The following CDH18 variants were observed in gnomAD, a reference collection of about 807,000 sequenced individuals.
CDH18 encodes cadherin 18.
In CDH18, 31 loss-of-function variants were observed where a neutral mutation model predicts 67.9. The observed-to-expected ratio is 0.46, with a 90% CI of 0.34 to 0.62. The LOEUF (loss-of-function observed/expected upper bound fraction) is 0.62, where lower values mean the gene tolerates loss of function less well. Ranked by LOEUF, CDH18 falls within the 20% of genes least tolerant of loss-of-function variation. CDH18 has a pLI of 0.01. For synonymous variants in CDH18, 362 were observed against 347.2 expected, an observed-to-expected ratio of 1.04 and a Z score of -0.48; for missense variants, 890 against 975.5, an observed-to-expected ratio of 0.91 and a Z score of 1.17.
chr5:20,020,428 T>A (rs1738306674), intron 2 of CDH18, among the ~76,000 whole-genome samples: 1 of 151,938 alleles, frequency 6.6e-6, no homozygotes, highest in Admixed American at 6.5e-5. Flanking sequence ...TCATGGCAGC[T>A]CCTCCCATCA....
chr5:19,567,965 A>C (rs543704638), intron 8 of CDH18, among the ~76,000 whole-genome samples: 1 of 152,216 alleles, frequency 6.6e-6, no homozygotes, highest in African/African-American at 2.4e-5. Flanking sequence ...TCACATGACT[A>C]TTCATGTATA....
chr5:19,684,603 C>T (rs1404478038), intron 5 of CDH18, among the ~76,000 whole-genome samples: 4 of 150,874 alleles, frequency 2.7e-5, no homozygotes, highest in Non-Finnish European at 4.4e-5. Flanking sequence ...TTTTTAGAGT[C>T]TTCTACATTT....
chr5:19,971,562 G>C (rs1394262118), intron 2 of CDH18, among the ~76,000 whole-genome samples: 1 of 151,874 alleles, frequency 6.6e-6, no homozygotes, highest in Non-Finnish European at 1.5e-5. Flanking sequence ...AACATACTAT[G>C]AAACATAAAA....
At chr5:19,778,432 C>T (rs1774659819) in intron 3 of CDH18, among the ~76,000 whole-genome samples, 1 of 152,046 alleles carries the variant, frequency 6.6e-6, no homozygotes, top group Non-Finnish European at 1.5e-5. Flanking sequence ...ATACTACTGC[C>T]TATGTAAAAA....
intron 3 of CDH18, among the ~76,000 whole-genome samples, chr5:19,822,237 T>G (rs1322867511): frequency 1.3e-5 from 2 of 152,148 alleles, no homozygotes; most frequent in Non-Finnish European, 2.9e-5. Flanking sequence ...AGCTCACATG[T>G]AATGACACCC....
chr5:19,786,117 G>T lies in CDH18; in HGVS notation c.229-38881C>A, dbSNP rs572809888. On this transcript the variant is annotated intron_variant, in intron 3 of 12. Transcript: ENST00000382275. The stretch of plus-strand genomic sequence containing the variant: ...ATTTAAAAACATTCCTACAATGAAT[G>T]CATATATTACTTATGATATGAAAAT... Among the ~76,000 whole-genome samples, 8 of 152,174 alleles carry T rather than the reference G, an allele frequency of 5.3e-5. No homozygotes were observed. In the East Asian group the frequency reaches 5.8e-4, roughly 11 times the overall value.
chr5:19,524,890 C>T (rs1047762652), intron 9 of CDH18, among the ~76,000 whole-genome samples: 1 of 152,186 alleles, frequency 6.6e-6, no homozygotes, highest in Non-Finnish European at 1.5e-5. Flanking sequence ...GGACTACAGG[C>T]GCCCGCCACC....
chr5:19,835,578 G>A (rs1011186347), intron 3 of CDH18, among the ~76,000 whole-genome samples: 1 of 151,964 alleles, frequency 6.6e-6, no homozygotes, highest in Non-Finnish European at 1.5e-5. Flanking sequence ...AATTTTCTAA[G>A]CAAGTTAAAA....
Position 20,457,876 on chromosome 5 carries a change from G to C in CDH18, c.-580+117586C>G, listed in dbSNP as rs113176921. On this transcript the variant is annotated intron_variant, in intron 1 of 14. Coordinates refer to the CDH18 transcript ENST00000507958. ...GTGGCAGTGGGAAATGGGAAGGGAA[G>C]CATAAAAACAGGAAGCAATGCAAAA... 1.1e-3 allele frequency among the ~76,000 whole-genome samples: 161 copies of C among 152,242 alleles called. 2 individuals carry two copies. In the East Asian group the frequency reaches 0.012, roughly 11 times the overall value.
At chr5:20,526,111 G>A (rs574926445) in intron 1 of CDH18, among the ~76,000 whole-genome samples, 24 of 152,210 alleles carry the variant, frequency 1.6e-4, no homozygotes, top group African/African-American at 5.1e-4. Context: ...TGGACTGGGT[G>A]GTATTCCCGA....
intron 2 of CDH18, among the ~76,000 whole-genome samples, chr5:20,132,096 C>A (rs1324242640): frequency 6.6e-6 from 1 of 152,048 alleles, no homozygotes; most frequent in Admixed American, 6.6e-5. Flanking sequence ...ACCATGTTGA[C>A]CAGGCTGGTG....
At chr5:19,682,201 A>G (rs1760438322) in intron 5 of CDH18, among the ~76,000 whole-genome samples, 1 of 152,120 alleles carries the variant, frequency 6.6e-6, no homozygotes. Flanking sequence ...AATTCTGCCA[A>G]CAGGCACACT....
intron 1 of CDH18, among the ~76,000 whole-genome samples, chr5:20,413,050 G>C (rs751607185): frequency 6.6e-6 from 1 of 152,180 alleles, no homozygotes; most frequent in African/African-American, 2.4e-5. Context: ...CTTTGAGTAA[G>C]AACGCGCAGC....
chr5:19,553,774 G>A (rs974105598), intron 8 of CDH18, among the ~76,000 whole-genome samples: 2 of 151,624 alleles, frequency 1.3e-5, no homozygotes, highest in Admixed American at 6.6e-5. Context: ...TGAAGAAGCT[G>A]GGACCATAGG....
intron 10 of CDH18, among the ~76,000 whole-genome samples, chr5:19,504,641 G>A (rs1212082082): frequency 6.6e-6 from 1 of 151,964 alleles, no homozygotes; most frequent in Non-Finnish European, 1.5e-5. Context: ...AAATATTTAA[G>A]CAGGCATTGC....
chr5:19,783,885 T>C (rs1363590214), intron 3 of CDH18, among the ~76,000 whole-genome samples: 1 of 152,200 alleles, frequency 6.6e-6, no homozygotes, highest in Non-Finnish European at 1.5e-5. Flanking sequence ...CTTTAAATTA[T>C]ATTACCAACA....
chr5:19,516,514 C>A (rs1746029581), intron 10 of CDH18, among the ~76,000 whole-genome samples: 1 of 152,016 alleles, frequency 6.6e-6, no homozygotes, highest in Non-Finnish European at 1.5e-5. Flanking sequence ...TTAATTATTG[C>A]CTCAATTTCA....
At chr5:20,000,419 G>A (rs1378426947) in intron 2 of CDH18, among the ~76,000 whole-genome samples, 1 of 152,134 alleles carries the variant, frequency 6.6e-6, no homozygotes, top group Non-Finnish European at 1.5e-5. Context: ...ATAACATAGT[G>A]GAGCTAAAAA....
At chr5:20,459,217 T>C (rs538730463) in intron 1 of CDH18, among the ~76,000 whole-genome samples, 7 of 152,312 alleles carry the variant, frequency 4.6e-5, no homozygotes, top group African/African-American at 1.7e-4. Context: ...TCAGCTTGCA[T>C]GGAATAGGCA....
Sources: gnomAD v4.1 joint callset for allele counts (sites outside exome capture counted in the v4.1 genomes callset) on GRCh38, gnomAD v4.1.1 for gene constraint, MANE v1.5 for transcripts, NCBI Gene and HGNC (gene_info 2026-07-23, HGNC 2026-07-21) for gene names.